The following CHRNA1 variants were observed in gnomAD, a reference collection of about 807,000 sequenced individuals.
CHRNA1 encodes cholinergic receptor nicotinic alpha 1 subunit.
Under a neutral mutation model 47.1 loss-of-function variants are expected in CHRNA1, and 35 were observed. That is an observed-to-expected ratio of 0.74 (90% CI 0.57 to 0.99). The LOEUF is 0.99. CHRNA1 is among the 50% of genes least tolerant of loss of function. The pLI is 0.00. For synonymous variants in CHRNA1, 229 were observed against 223.6 expected, an observed-to-expected ratio of 1.02 and a Z score of -0.22; for missense variants, 506 against 591.1, an observed-to-expected ratio of 0.86 and a Z score of 1.49.
Position 174,753,700 on chromosome 2 carries a change from C to T in CHRNA1, c.581G>A (p.Gly194Glu). Residue 194 changes from glycine (G) to glutamate (E), a missense_variant, in exon 6 of 9, where the codon GGG (glycine) becomes GAG (glutamate). Physicochemically the swap from Gly to Glu is moderately conservative, Grantham distance 98 (BLOSUM62 -2). Transcript: ENST00000348749. The stretch of plus-strand genomic sequence containing the variant: ...CCGGGACTCCTTGATCACCCACTCC[C>T]CGCTCTCCATGAAGTTGCTCAGGTC... ...QPDLSNFMESGEWVIKESRGW... is the reference protein window; with the variant it reads ...QPDLSNFMESEEWVIKESRGW... 3 of 1,614,072 alleles carry T rather than the reference C, an allele frequency of 1.9e-6. No individual in the cohort carries two copies. The highest frequency in any genetic ancestry group is 2.5e-6 in the Non-Finnish European group (3 of 1,180,020).
At chr2:174,759,780 G>T in intron 1 of CHRNA1, 147 bp from the exon 2 acceptor site, 1 of 1,065,122 alleles carries the variant, frequency 9.4e-7, no homozygotes, top group Non-Finnish European at 1.4e-6. Context: ...GCTCCCAAAT[G>T]CAGCAGTTAT....
At chr2:174,760,458 G>A (rs908929474) in intron 1 of CHRNA1, among the ~76,000 whole-genome samples, 1 of 152,168 alleles carries the variant, frequency 6.6e-6, no homozygotes. Context: ...GACACAATGG[G>A]GCAAATATTG....
intron 5 of CHRNA1, 136 bp downstream of exon 5, chr2:174,754,083 A>G (rs1683919176): frequency 1.2e-6 from 1 of 849,988 alleles, no homozygotes; most frequent in East Asian, 2.5e-5. Flanking sequence ...TCCCTTCCCA[A>G]TCAACTTGAA....
Position 174,754,425 on chromosome 2 carries a change from G to T in CHRNA1, c.345-11C>A. ...AAGTCACCATCTGCACTACAATTGG[G>T]ATAAAAGAGGAAAATGGCTCCAAGT... is the stretch of plus-strand genomic sequence containing the variant. On this transcript the variant is annotated splice_polypyrimidine_tract_variant and intron_variant, in intron 4 of 8. Coordinates refer to ENST00000348749, the MANE Select transcript of CHRNA1 (RefSeq NM_000079.4). 1 of 1,613,416 alleles carries T rather than the reference G, an allele frequency of 6.2e-7. No individual in the cohort carries two copies. The highest frequency in any genetic ancestry group is 8.5e-7 in the Non-Finnish European group (1 of 1,179,696).
At chr2:174,763,464 C>CTT (rs1382247381) in intron 1 of CHRNA1, among the ~76,000 whole-genome samples, 1 of 152,034 alleles carries the variant, frequency 6.6e-6, no homozygotes, top group Non-Finnish European at 1.5e-5. Flanking sequence ...AATAATAAAG[C>CTT]TTTTTGCCTC....
Position 174,753,653 on chromosome 2 carries a change from A to G in CHRNA1, c.628T>C (p.Tyr210His). 3 of 1,614,082 alleles carry G rather than the reference A, an allele frequency of 1.9e-6. No individual in the cohort carries two copies. The highest frequency in any genetic ancestry group is 1.7e-6 in the Non-Finnish European group (2 of 1,180,000). ...ESRGWKHSVT[Y>H]SCCPDTPYLD... The stretch of plus-strand genomic sequence containing the variant: ...TAGGGGGTGTCGGGGCAGCAGGAAT[A>G]GGTCACGGAGTGCTTCCAGCCCCGG... The change falls in exon 6 of 9, where the codon TAT (tyrosine) becomes CAT (histidine). Residue 210 changes from tyrosine (Y) to histidine (H), a missense_variant. Coordinates refer to ENST00000348749, the MANE Select transcript of CHRNA1 (RefSeq NM_000079.4).
At chr2:174,756,471 G>A (rs941542914) in intron 4 of CHRNA1, among the ~76,000 whole-genome samples, 28 of 152,202 alleles carry the variant, frequency 1.8e-4, no homozygotes, top group African/African-American at 6.8e-4. Context: ...GCCCCAAAGG[G>A]CAGAGAGTCA....
intron 6 of CHRNA1, among the ~76,000 whole-genome samples, chr2:174,752,337 G>A (rs1057341440): frequency 6.7e-6 from 1 of 149,506 alleles, no homozygotes; most frequent in African/African-American, 2.5e-5. Flanking sequence ...TTGGGAGGCC[G>A]AGGTAGGCAG....
At chr2:174,761,034 C>T (rs1006928616) in intron 1 of CHRNA1, among the ~76,000 whole-genome samples, 2 of 152,110 alleles carry the variant, frequency 1.3e-5, no homozygotes, top group Admixed American at 6.6e-5. Context: ...GTCATGTGAC[C>T]AGTAAGGGCA....
intron 6 of CHRNA1, 135 bp downstream of exon 6, chr2:174,753,368 C>G (rs765523842): frequency 3.2e-6 from 3 of 935,218 alleles, no homozygotes; most frequent in Non-Finnish European, 5.3e-6. Flanking sequence ...GCCCACTCAG[C>G]AAATGCACCC....
At chr2:174,754,918 C>T (rs1179143160) in intron 4 of CHRNA1, among the ~76,000 whole-genome samples, 1 of 140,880 alleles carries the variant, frequency 7.1e-6, no homozygotes, top group Non-Finnish European at 1.5e-5. Flanking sequence ...TGGAATCTCG[C>T]TTTGTCACCC....
chr2:174,757,960 G>A (rs373012030), intron 3 of CHRNA1: 1 of 1,568,078 alleles, frequency 6.4e-7, no homozygotes, highest in Non-Finnish European at 8.8e-7. Context: ...TTCTGCAGAT[G>A]AGAAAACAAA....
At chr2:174,759,302 A>G in intron 3 of CHRNA1, 29 bp downstream of exon 3, 1 of 1,611,892 alleles carries the variant, frequency 6.2e-7, no homozygotes, top group Non-Finnish European at 8.5e-7. Context: ...AATGAAAACG[A>G]CACACATGCA....
chr2:174,750,722 C>A (rs770675011), intron 6 of CHRNA1, among the ~76,000 whole-genome samples: 10 of 152,128 alleles, frequency 6.6e-5, no homozygotes, highest in Non-Finnish European at 1.3e-4. Flanking sequence ...ACTTTTCTGA[C>A]AGCAGCCAGT....
In CHRNA1 at chr2:174,764,391, C is replaced by T. The variant is rs1209279012; in HGVS notation, c.4G>A (p.Glu2Lys). The change falls in exon 1 of 9, where the codon GAG becomes AAG. Residue 2 changes from glutamate (E) to lysine (K), a missense_variant. Coordinates refer to ENST00000348749, the MANE Select transcript of CHRNA1 (RefSeq NM_000079.4). Reference protein sequence around the residue: MEPWPLLLLFSL... With the variant: MKPWPLLLLFSL... ...AAGAGCAGGAGGAGAGGCCAGGGCT[C>T]CATGGGCTACCGGAGCTTGTGTGGA... is the stretch of plus-strand genomic sequence containing the variant. 6.2e-7 allele frequency: 1 copy of T among 1,612,902 alleles called. No individual in the cohort carries two copies.
rs180986978 is a variant in CHRNA1 at position 174,757,544 on chromosome 2, G to A, written c.344+22C>T. 4.7e-5 allele frequency: 75 copies of A among 1,580,780 alleles called. No individual in the cohort carries two copies. The Admixed American group carries it at 8.0e-4, about 17-fold the overall frequency. ...TCCACCTGCCCCAGGAGCACCCTCC[G>A]CCACCCATGCAGTTTGCTCACTTGT... On this transcript the variant is annotated intron_variant, in intron 4 of 8. Coordinates refer to ENST00000348749, the MANE Select transcript of CHRNA1 (RefSeq NM_000079.4).
At position 174,748,742 on chromosome 2, in the gene CHRNA1, CT is replaced by C. The variant is rs768863116; in HGVS notation, c.1079del (p.Lys360ArgfsTer27). 15 of 1,614,040 alleles carry C rather than the reference CT, an allele frequency of 9.3e-6. No individual in the cohort carries two copies. Among genetic ancestry groups the C allele is most frequent in the Admixed American group, 1.7e-5 (1 of 59,996 alleles). ...AGATATCAATGTCTTCTGTAAAAAT[CT>C]TTTTGTCTTGCTTTTCTCTGGATGG... is the stretch of plus-strand genomic sequence containing the variant. The part of the protein sequence containing the change: ...KRPSREKQDK[K>X]IFTEDIDISD... On this transcript the variant is annotated frameshift_variant, in exon 8 of 9. Transcript: ENST00000348749. LOFTEE classifies it high-confidence loss of function.
At chr2:174,757,987 C>T (rs756593848) in intron 3 of CHRNA1, 147 of 1,612,722 alleles carry the variant, frequency 9.1e-5, no homozygotes, top group Non-Finnish European at 1.1e-4. Flanking sequence ...CCCAAAGTCA[C>T]GCAGCTGGGG....
chr2:174,752,722 C>G (rs1558911290), intron 6 of CHRNA1: 1 of 150,566 alleles, frequency 6.6e-6, no homozygotes, highest in Non-Finnish European at 1.5e-5. Context: ...AATCTTTTTT[C>G]CTAGTTGGCA....
Sources: gnomAD v4.1 joint callset for allele counts (sites outside exome capture counted in the v4.1 genomes callset) on GRCh38, gnomAD v4.1.1 for gene constraint, MANE v1.5 for transcripts, NCBI Gene and HGNC (gene_info 2026-07-23, HGNC 2026-07-21) for gene names.